Variants in TSHZ2 observed in about 807,000 individuals in gnomAD.
TSHZ2 encodes teashirt zinc finger homeobox 2.
Under a neutral mutation model 74.4 loss-of-function variants are expected in TSHZ2, and 21 were observed. The observed-to-expected ratio is 0.28, with a 90% CI of 0.20 to 0.41. TSHZ2 has a LOEUF of 0.41. Ranked by LOEUF, TSHZ2 falls within the 10% of genes least tolerant of loss-of-function variation. TSHZ2 has a pLI of 1.00. For synonymous variants in TSHZ2, 540 were observed against 515.3 expected (o/e 1.05, Z -0.65); for missense variants, 1,244 against 1,293.5 (o/e 0.96, Z 0.59).
At chr20:53,392,690 AT>A (rs1326552550) in intron 2 of TSHZ2, among the ~76,000 whole-genome samples, 4 of 152,088 alleles carry the variant, frequency 2.6e-5, no homozygotes, top group Non-Finnish European at 4.4e-5. Flanking sequence ...CATTGTATTC[AT>A]TCTTTTTTAT....
At chr20:53,343,431 T>C (rs1321521635) in intron 2 of TSHZ2, among the ~76,000 whole-genome samples, 3 of 152,248 alleles carry the variant, frequency 2.0e-5, no homozygotes, top group Admixed American at 1.3e-4. Context: ...TTCCTGACTC[T>C]CTGGAGCTCC....
chr20:53,261,462 A>G (rs1450110092), intron 2 of TSHZ2, among the ~76,000 whole-genome samples: 3 of 152,244 alleles, frequency 2.0e-5, no homozygotes, highest in Non-Finnish European at 4.4e-5. Flanking sequence ...TCTGACCCTC[A>G]GGAATTCATT....
chr20:52,994,325 AATGAATGG>A (rs770693296), intron 1 of TSHZ2, among the ~76,000 whole-genome samples: 1 of 151,922 alleles, frequency 6.6e-6, no homozygotes, highest in Non-Finnish European at 1.5e-5. Context: ...TAGACGGGTG[AATGAATGG>A]ATGAATGGAT....
At chr20:53,097,890 G>A (rs1424414124) in intron 1 of TSHZ2, 1 of 152,214 alleles carries the variant, frequency 6.6e-6, no homozygotes, top group Non-Finnish European at 1.5e-5. Flanking sequence ...ATGCTCTCAA[G>A]GTCCATTAGA....
chr20:53,471,385 G>A (rs1985793930), intron 2 of TSHZ2, among the ~76,000 whole-genome samples: 1 of 152,154 alleles, frequency 6.6e-6, no homozygotes, highest in African/African-American at 2.4e-5. Context: ...TTGGGACTGT[G>A]CTGTGCTCAA....
intron 1 of TSHZ2, among the ~76,000 whole-genome samples, chr20:53,194,187 T>C (rs962788571): frequency 2.0e-5 from 3 of 152,200 alleles, no homozygotes; most frequent in Non-Finnish European, 4.4e-5. Flanking sequence ...TTTTGTTTTG[T>C]TGATATGTGT....
At chr20:53,409,907 C>T (rs949236171) in intron 2 of TSHZ2, among the ~76,000 whole-genome samples, 1 of 124,468 alleles carries the variant, frequency 8.0e-6, no homozygotes, top group African/African-American at 3.1e-5. Flanking sequence ...AGTGCAGTGG[C>T]GCTATCTCGG....
At position 53,160,175 on chromosome 20, in the gene TSHZ2, T is replaced by C. The variant is rs1043156347; in HGVS notation, c.41-93324T>C. Among the ~76,000 whole-genome samples, 9 of 151,910 alleles carry C rather than the reference T, an allele frequency of 5.9e-5. No individual in the cohort carries two copies. The South Asian group carries it at 6.3e-4, about 11-fold the overall frequency. On this transcript the variant is annotated intron_variant, in intron 1 of 2. Coordinates refer to ENST00000371497, the MANE Select transcript of TSHZ2 (RefSeq NM_173485.6). ...GGAGGGGCACATGGGAGAGAGGAGA[T>C]TGGGGAGGCAGGTATCTCTGACCAT...
At chr20:52,986,258 G>T (rs1006547226) in intron 1 of TSHZ2, among the ~76,000 whole-genome samples, 1 of 151,878 alleles carries the variant, frequency 6.6e-6, no homozygotes, top group Admixed American at 6.6e-5. Context: ...AATTAGCCGG[G>T]CGTGGTGGTG....
At chr20:53,127,162 A>T (rs1764418738) in intron 1 of TSHZ2, among the ~76,000 whole-genome samples, 2 of 152,202 alleles carry the variant, frequency 1.3e-5, no homozygotes, top group African/African-American at 4.8e-5. Flanking sequence ...GTGCATGAAG[A>T]TGTATTCATT....
At chr20:53,192,715 T>C (rs746179082) in intron 1 of TSHZ2, among the ~76,000 whole-genome samples, 1 of 152,170 alleles carries the variant, frequency 6.6e-6, no homozygotes, top group Non-Finnish European at 1.5e-5. Context: ...GAGGTATTTA[T>C]CTCGAGGTCT....
intron 1 of TSHZ2, among the ~76,000 whole-genome samples, chr20:53,012,507 G>T (rs566412984): frequency 2.0e-5 from 3 of 152,228 alleles, no homozygotes; most frequent in African/African-American, 7.2e-5. Context: ...TTTAAAGCTT[G>T]GGAAGTTTAG....
At chr20:53,085,400 A>G (rs1985669446) in intron 1 of TSHZ2, among the ~76,000 whole-genome samples, 1 of 152,052 alleles carries the variant, frequency 6.6e-6, no homozygotes, top group Admixed American at 6.6e-5. Flanking sequence ...GAAAGAAAGA[A>G]AGACCGATAT....
chr20:53,072,736 A>C (rs1244008535), intron 1 of TSHZ2, among the ~76,000 whole-genome samples: 1 of 152,182 alleles, frequency 6.6e-6, no homozygotes, highest in Non-Finnish European at 1.5e-5. Flanking sequence ...CATTTTTGGA[A>C]CCTAGAAAGT....
At chr20:53,380,091 C>T (rs1239491291) in intron 2 of TSHZ2, among the ~76,000 whole-genome samples, 2 of 152,080 alleles carry the variant, frequency 1.3e-5, no homozygotes, top group African/African-American at 4.8e-5. Flanking sequence ...CTCAATGTCA[C>T]CAACTTCAAG....
At chr20:53,217,552 G>A (rs1453590038) in intron 1 of TSHZ2, among the ~76,000 whole-genome samples, 1 of 152,146 alleles carries the variant, frequency 6.6e-6, no homozygotes, top group Non-Finnish European at 1.5e-5. Context: ...AGTGCAGAGA[G>A]CCAGGCGCAA....
At chr20:53,289,931 A>G (rs1292673490) in intron 2 of TSHZ2, among the ~76,000 whole-genome samples, 2 of 152,228 alleles carry the variant, frequency 1.3e-5, no homozygotes, top group Non-Finnish European at 2.9e-5. Flanking sequence ...CTACATTGCT[A>G]TTATTTCAAT....
intron 1 of TSHZ2, among the ~76,000 whole-genome samples, chr20:53,068,014 C>G (rs1568744120): frequency 6.6e-6 from 1 of 152,132 alleles, no homozygotes; most frequent in Non-Finnish European, 1.5e-5. Context: ...TTACATGGCT[C>G]CCTTCCCCTG....
chr20:53,019,963 AG>A (rs1983178703), intron 1 of TSHZ2, among the ~76,000 whole-genome samples: 1 of 152,164 alleles, frequency 6.6e-6, no homozygotes, highest in African/African-American at 2.4e-5. Flanking sequence ...ATGACTGGAG[AG>A]GCCTCAAGAA....
Sources: allele counts gnomAD v4.1 joint callset (sites outside exome capture counted in the v4.1 genomes callset), GRCh38; gene constraint gnomAD v4.1.1; transcripts MANE v1.5; gene names NCBI Gene and HGNC (gene_info 2026-07-23, HGNC 2026-07-21).